Variants in FHIP1A observed in about 807,000 individuals in gnomAD.
FHIP1A encodes the protein FHF complex subunit HOOK-interacting protein 1A.
A neutral mutation model predicts 88.6 loss-of-function variants in FHIP1A; 61 were observed. The observed-to-expected ratio is 0.69, with a 90% CI of 0.56 to 0.85. FHIP1A has a LOEUF of 0.85. Ranked by LOEUF, FHIP1A falls within the 40% of genes least tolerant of loss-of-function variation. FHIP1A has a pLI of 0.00. For missense variants in FHIP1A, 1,154 were observed against 1,273.5 expected, an observed-to-expected ratio of 0.91 and a Z score of 1.43; for synonymous variants, 478 against 496.0, an observed-to-expected ratio of 0.96 and a Z score of 0.48.
Position 151,646,648 on chromosome 4 carries a change from C to T in FHIP1A, c.1317C>T (p.Leu439=), listed in dbSNP as rs929276361. 13 of 1,551,390 alleles carry T rather than the reference C, an allele frequency of 8.4e-6. No homozygotes were observed. The highest frequency in any genetic ancestry group is 4.1e-5 in the African/African-American group (3 of 73,048). ...ACTCTGTTTCTGCGGCCAAGCTTCT[C>T]GCCTTGACTCCTGTCTGCTGCTCCA... ...DCYSVSAAKL[L]ALTPVCCSSG... is the part of the protein sequence containing the mutation. Residue 439 remains leucine (L), a synonymous_variant, in exon 10 of 14, where the codon CTC becomes CTT. Transcript: ENST00000435205.
At chr4:151,639,818 C>A (rs1439226355) in intron 9 of FHIP1A, among the ~76,000 whole-genome samples, 1 of 152,182 alleles carries the variant, frequency 6.6e-6, no homozygotes, top group African/African-American at 2.4e-5. Context: ...CTCCAGCATG[C>A]GCTCCCTGCT....
intron 3 of FHIP1A, among the ~76,000 whole-genome samples, chr4:151,522,521 G>C (rs532845550): frequency 9.8e-5 from 15 of 152,302 alleles, no homozygotes; most frequent in African/African-American, 3.4e-4. Context: ...TTGGGAGAGA[G>C]GACAGTCACT....
chr4:151,593,773 C>T (rs1198125765), intron 7 of FHIP1A, among the ~76,000 whole-genome samples: 2 of 152,042 alleles, frequency 1.3e-5, no homozygotes, highest in African/African-American at 4.8e-5. Context: ...GCCTGATTGC[C>T]CTGGCCAGAA....
intron 7 of FHIP1A, among the ~76,000 whole-genome samples, chr4:151,599,672 G>A (rs1263701450): frequency 6.6e-6 from 1 of 152,226 alleles, no homozygotes; most frequent in Non-Finnish European, 1.5e-5. Context: ...TGTAGGAAGT[G>A]TAGCCTCAGA....
intron 3 of FHIP1A, among the ~76,000 whole-genome samples, chr4:151,517,478 A>G (rs1663208307): frequency 1.3e-5 from 2 of 152,100 alleles, no homozygotes; most frequent in African/African-American, 4.8e-5. Context: ...TTAAAAAAAT[A>G]TATATTCATT....
intron 3 of FHIP1A, among the ~76,000 whole-genome samples, chr4:151,552,588 A>G (rs1732782044): frequency 6.6e-6 from 1 of 152,246 alleles, no homozygotes; most frequent in Admixed American, 6.5e-5. Context: ...AGAAAACCAA[A>G]TACCGCATTT....
chr4:151,499,083 A>G (rs1730560788), intron 3 of FHIP1A, among the ~76,000 whole-genome samples: 1 of 152,234 alleles, frequency 6.6e-6, no homozygotes, highest in South Asian at 2.1e-4. Flanking sequence ...ACAAGAGAGC[A>G]CATGGAGTCT....
At chr4:151,451,351 G>T (rs535231427) in intron 1 of FHIP1A, among the ~76,000 whole-genome samples, 186 of 152,074 alleles carry the variant, frequency 1.2e-3, no homozygotes, top group African/African-American at 4.3e-3. Context: ...CCTGGTGATT[G>T]GATCATCTAT....
At chr4:151,536,540 A>G (rs999789439) in intron 3 of FHIP1A, among the ~76,000 whole-genome samples, 3 of 152,206 alleles carry the variant, frequency 2.0e-5, no homozygotes, top group Non-Finnish European at 2.9e-5. Flanking sequence ...AAAATGTTAT[A>G]TAGGTGGAAT....
intron 3 of FHIP1A, among the ~76,000 whole-genome samples, chr4:151,515,361 A>G (rs1731190047): frequency 6.6e-6 from 1 of 151,970 alleles, no homozygotes; most frequent in African/African-American, 2.4e-5. Context: ...TGAATGGGCA[A>G]AAACTGGAAG....
intron 7 of FHIP1A, among the ~76,000 whole-genome samples, chr4:151,600,136 A>G (rs1358522109): frequency 2.6e-5 from 4 of 152,196 alleles, no homozygotes; most frequent in Non-Finnish European, 5.9e-5. Flanking sequence ...GCTTTTCTCC[A>G]TGTTATCCTC....
intron 6 of FHIP1A, 58 bp downstream of exon 6, chr4:151,586,857 G>T: frequency 7.9e-7 from 1 of 1,270,438 alleles, no homozygotes; most frequent in Non-Finnish European, 1.1e-6. Context: ...CACAAGCACT[G>T]CAAAGGATTA....
chr4:151,589,569 G>GAA (rs1734346612), intron 7 of FHIP1A, among the ~76,000 whole-genome samples: 1 of 152,098 alleles, frequency 6.6e-6, no homozygotes, highest in South Asian at 2.1e-4. Flanking sequence ...AGAGACGTGT[G>GAA]CAGTATTTAG....
intron 3 of FHIP1A, among the ~76,000 whole-genome samples, chr4:151,546,735 A>G (rs1057496027): frequency 6.6e-6 from 1 of 152,212 alleles, no homozygotes; most frequent in Admixed American, 6.5e-5. Context: ...TGGGGATTCA[A>G]TATTTGGCTT....
chr4:151,487,336 T>C (rs1730124849), intron 3 of FHIP1A, among the ~76,000 whole-genome samples: 1 of 152,214 alleles, frequency 6.6e-6, no homozygotes, highest in African/African-American at 2.4e-5. Flanking sequence ...TTTTTCTCTG[T>C]TCATCCCTTG....
At chr4:151,488,785 G>A (rs759262609) in intron 3 of FHIP1A, among the ~76,000 whole-genome samples, 14 of 152,136 alleles carry the variant, frequency 9.2e-5, no homozygotes, top group African/African-American at 2.7e-4. Flanking sequence ...ATTTCTGTGC[G>A]TCTATCACCC....
In FHIP1A at chr4:151,665,647, A is replaced by G. The variant is rs1177775673; in HGVS notation, c.*2893A>G. On this transcript the variant is annotated 3_prime_UTR_variant, in exon 14 of 14. Coordinates refer to ENST00000435205, the MANE Select transcript of FHIP1A (RefSeq NM_001109977.3). ...TCCTGCACGATTCGGGGGAGTGAAC[A>G]TTGATCTAGGCGGATATGAAGAAAC... 6.6e-6 allele frequency among the ~76,000 whole-genome samples: 1 copy of G among 152,202 alleles called. No homozygotes were observed. Among genetic ancestry groups the G allele is most frequent in the Admixed American group, 6.5e-5 (1 of 15,284 alleles).
At chr4:151,547,778 G>T (rs1732560851) in intron 3 of FHIP1A, among the ~76,000 whole-genome samples, 1 of 152,154 alleles carries the variant, frequency 6.6e-6, no homozygotes, top group Non-Finnish European at 1.5e-5. Context: ...GCTGGGCATG[G>T]TGGCGGGTGC....
intron 10 of FHIP1A, among the ~76,000 whole-genome samples, chr4:151,648,714 GAT>G (rs1351829753): frequency 1.3e-5 from 2 of 151,224 alleles, no homozygotes; most frequent in East Asian, 3.9e-4. Context: ...AGATAGCATT[GAT>G]AAAGCACCTG....
Sources: allele counts gnomAD v4.1 joint callset (sites outside exome capture counted in the v4.1 genomes callset), GRCh38; gene constraint gnomAD v4.1.1; transcripts MANE v1.5; gene names NCBI Gene and HGNC (gene_info 2026-07-23, HGNC 2026-07-21).